Variants in SULT1E1 observed in about 807,000 individuals in gnomAD.
SULT1E1 encodes sulfotransferase family 1E member 1.
A neutral mutation model predicts 33.6 loss-of-function variants in SULT1E1; 36 were observed. That is an observed-to-expected ratio of 1.07 (90% CI 0.82 to 1.41). The LOEUF (loss-of-function observed/expected upper bound fraction) is 1.41, where lower values mean the gene tolerates loss of function less well. Among genes scored for constraint, SULT1E1 ranks in the 40% most tolerant of loss-of-function variants. The probability of loss-of-function intolerance (pLI) is 0.00; values close to 1 mark genes in which losing one functional copy is unlikely to be tolerated. For missense variants in SULT1E1, 371 were observed against 345.7 expected (o/e 1.07, Z -0.58); for synonymous variants, 121 against 111.7 (o/e 1.08, Z -0.53).
the SULT1E1 span, among the ~76,000 whole-genome samples, chr4:69,835,653 G>C: frequency 6.6e-6 from 1 of 152,134 alleles, no homozygotes; most frequent in Non-Finnish European, 1.5e-5. Flanking sequence ...TGATAGGTAT[G>C]ATTTCTATAT....
intron 6 of SULT1E1, among the ~76,000 whole-genome samples, chr4:69,846,142 A>G (rs1261139213): frequency 1.3e-5 from 2 of 150,076 alleles, no homozygotes; most frequent in Non-Finnish European, 3.0e-5. Flanking sequence ...TATGTTTTAA[A>G]AATTATGAGA....
At chr4:69,855,782 G>C (rs939309450) in intron 2 of SULT1E1, among the ~76,000 whole-genome samples, 14 of 152,050 alleles carry the variant, frequency 9.2e-5, no homozygotes, top group Non-Finnish European at 1.8e-4. Flanking sequence ...TTTTACTGAT[G>C]GTATATTATG....
In SULT1E1 at chr4:69,841,953, A is replaced by G; in HGVS notation, c.*41T>C. The G allele has an allele frequency of 3.7e-6, 4 of 1,085,410 alleles. No individual in the cohort carries two copies. Among genetic ancestry groups the G allele is most frequent in the Non-Finnish European group, 5.5e-6 (4 of 733,026 alleles). 67.2% of individuals were successfully genotyped at this position (1,085,410 alleles called of 1,614,324 possible). A position where few individuals can be genotyped will look rare whatever the true frequency, so the allele number is the denominator to read the frequency against. On this transcript the variant is annotated 3_prime_UTR_variant, in exon 8 of 8. Coordinates refer to ENST00000226444, the MANE Select transcript of SULT1E1 (RefSeq NM_005420.3). ...AGAAAAAGTGGAGAATAATGAAAAG[A>G]AATCTTTAATATCAGATATGTTAAG...
rs1468150257 is a variant in SULT1E1 at position 69,855,266 on chromosome 4, A to G, written c.271+35T>C. On this transcript the variant is annotated intron_variant, in intron 3 of 7. Coordinates refer to ENST00000226444, the MANE Select transcript of SULT1E1 (RefSeq NM_005420.3). ...CATGTACATACACACCTTAGAATATATGCAAATAGTTTTTAAAATCAACTT... is the reference window on the plus strand; with the variant it reads ...CATGTACATACACACCTTAGAATATGTGCAAATAGTTTTTAAAATCAACTT... 14 of 1,596,628 alleles carry G rather than the reference A, an allele frequency of 8.8e-6. No homozygotes were observed. The Admixed American group carries it at 1.4e-4, about 16-fold the overall frequency.
chr4:69,832,239 C>A, the SULT1E1 span, among the ~76,000 whole-genome samples: 2 of 152,180 alleles, frequency 1.3e-5, no homozygotes, highest in African/African-American at 4.8e-5. Flanking sequence ...GCAGGAGAGC[C>A]GATCTCCCCT....
At chr4:69,823,025 G>A in the SULT1E1 span, among the ~76,000 whole-genome samples, 2 of 152,196 alleles carry the variant, frequency 1.3e-5, no homozygotes, top group Non-Finnish European at 2.9e-5. Flanking sequence ...TACAGCAGTT[G>A]CTTTGGTGCT....
downstream of SULT1E1, among the ~76,000 whole-genome samples, chr4:69,837,686 A>T (rs1412775680): frequency 6.6e-6 from 1 of 152,180 alleles, no homozygotes; most frequent in Non-Finnish European, 1.5e-5. Flanking sequence ...AAATTACAAG[A>T]ATCTCAAACC....
chr4:69,831,467 C>A, the SULT1E1 span, among the ~76,000 whole-genome samples: 2 of 152,148 alleles, frequency 1.3e-5, no homozygotes, highest in African/African-American at 4.8e-5. Context: ...ACCTTAAATG[C>A]CCGGCCTATT....
downstream of SULT1E1, among the ~76,000 whole-genome samples, chr4:69,841,047 G>A (rs189354003): frequency 6.6e-6 from 1 of 151,574 alleles, no homozygotes; most frequent in Non-Finnish European, 1.5e-5. Flanking sequence ...GTGAGACTCC[G>A]TCTCAAAAAA....
chr4:69,830,603 G>A, the SULT1E1 span, among the ~76,000 whole-genome samples: 6 of 152,176 alleles, frequency 3.9e-5, no homozygotes, highest in East Asian at 1.9e-4. Flanking sequence ...GCTGGGATGC[G>A]TCATTTGGGT....
At position 69,849,456 on chromosome 4, in the gene SULT1E1, C is replaced by T; in HGVS notation, c.477G>A (p.Glu159=). Residue 159 remains glutamate, a synonymous_variant, in exon 5 of 8, where the codon GAG becomes GAA. Transcript: ENST00000226444. ...PNPGSFPEFV[E]KFMQGQVPYG... is the part of the protein sequence containing the mutation. ...TCCTACCCTGTCCTTGCATGAATTT[C>T]TCCACAAACTCTGGAAAGGATCCAG... 6.2e-7 allele frequency: 1 copy of T among 1,610,426 alleles called. No individual in the cohort carries two copies.
the SULT1E1 span, among the ~76,000 whole-genome samples, chr4:69,829,744 G>T: frequency 6.6e-6 from 1 of 152,122 alleles, no homozygotes; most frequent in African/African-American, 2.4e-5. Context: ...CGATAGAAAG[G>T]CCTTCTTTCT....
At chr4:69,859,514 A>G (rs1437463236) in intron 1 of SULT1E1, among the ~76,000 whole-genome samples, 1 of 152,162 alleles carries the variant, frequency 6.6e-6, no homozygotes, top group Non-Finnish European at 1.5e-5. Context: ...GTTAAGTTCA[A>G]TTATTAGATC....
the SULT1E1 span, among the ~76,000 whole-genome samples, chr4:69,833,554 T>C: frequency 6.6e-6 from 1 of 152,196 alleles, no homozygotes; most frequent in South Asian, 2.1e-4. Flanking sequence ...ATTTATACCA[T>C]GCCAAGAGGT....
chr4:69,857,214 C>T (rs1448449454), intron 2 of SULT1E1, among the ~76,000 whole-genome samples: 1 of 152,014 alleles, frequency 6.6e-6, no homozygotes, highest in Admixed American at 6.6e-5. Context: ...ATAAGGTAAA[C>T]AGTTGGTAGT....
In SULT1E1 at chr4:69,844,177, C is replaced by T. The variant is rs376968582; in HGVS notation, c.756G>A (p.Ser252=). Residue 252 remains serine, a synonymous_variant, in exon 7 of 8, where the codon TCG becomes TCA. Coordinates refer to ENST00000226444, the MANE Select transcript of SULT1E1 (RefSeq NM_005420.3). ...LPDEIMNQKL[S]PFMRKGITGD... ...TTTTCTCACCCTTTCTCATGAAGGG[C>T]GACAATTTCTGGTTCATAATTTCGT... 5.8e-5 allele frequency: 94 copies of T among 1,613,860 alleles called. No individual in the cohort carries two copies. Among genetic ancestry groups the T allele is most frequent in the East Asian group, 4.0e-4 (18 of 44,824 alleles).
At chr4:69,831,798 T>A in the SULT1E1 span, among the ~76,000 whole-genome samples, 1 of 152,080 alleles carries the variant, frequency 6.6e-6, no homozygotes, top group African/African-American at 2.4e-5. Context: ...CAGCTCCTAT[T>A]AGCCAGATGT....
chr4:69,836,293 A>G (rs1470369017), downstream of SULT1E1, among the ~76,000 whole-genome samples: 3 of 152,220 alleles, frequency 2.0e-5, no homozygotes. Context: ...TCTTCCTCCT[A>G]GTCAGTCTTG....
At position 69,849,778 on chromosome 4, in the gene SULT1E1, A is replaced by G. The variant is rs542212791; in HGVS notation, c.370-215T>C. Among the ~76,000 whole-genome samples, 265 of 152,146 alleles carry G rather than the reference A, an allele frequency of 1.7e-3. 1 individual carries two copies. The highest frequency in any genetic ancestry group is 0.014 in the Middle Eastern group (4 of 294). On this transcript the variant is annotated intron_variant, in intron 4 of 7. Transcript: ENST00000226444. ...TGTTGTTCTCTTTGTTCTCACTACA[A>G]ACAGAACAACATTATTATGCCATTT...
Sources: gnomAD v4.1 joint callset for allele counts (sites outside exome capture counted in the v4.1 genomes callset) on GRCh38, gnomAD v4.1.1 for gene constraint, MANE v1.5 for transcripts, NCBI Gene and HGNC (gene_info 2026-07-23, HGNC 2026-07-21) for gene names.